The following RORB variants were observed in gnomAD, a reference collection of about 807,000 sequenced individuals.
The protein encoded by RORB is RAR related orphan receptor B.
A neutral mutation model predicts 59.1 loss-of-function variants in RORB; 6 were observed. The ratio of observed to expected loss-of-function variants is 0.10; its 90% confidence interval spans 0.06 to 0.20. The LOEUF is 0.20. RORB is among the 10% of genes least tolerant of loss of function. The probability of loss-of-function intolerance (pLI) is 1.00; values close to 1 mark genes in which losing one functional copy is unlikely to be tolerated. For synonymous variants in RORB, 215 were observed against 204.5 expected, an observed-to-expected ratio of 1.05 and a Z score of -0.44; for missense variants, 320 against 560.5, an observed-to-expected ratio of 0.57 and a Z score of 4.33.
chr9:74,663,563 A>G (rs1196148928), intron 6 of RORB, among the ~76,000 whole-genome samples: 1 of 152,162 alleles, frequency 6.6e-6, no homozygotes, highest in Admixed American at 6.5e-5. Context: ...CATCTAAACC[A>G]CTGCAAAATT....
chr9:74,669,345 G>A (rs1824314313), intron 8 of RORB, among the ~76,000 whole-genome samples: 1 of 152,060 alleles, frequency 6.6e-6, no homozygotes, highest in African/African-American at 2.4e-5. Flanking sequence ...TGGATATGGT[G>A]GCAGATGCCT....
At chr9:74,504,813 G>A (rs914064433) in intron 1 of RORB, among the ~76,000 whole-genome samples, 1 of 151,918 alleles carries the variant, frequency 6.6e-6, no homozygotes, top group African/African-American at 2.4e-5. Flanking sequence ...AAAGAAAACT[G>A]TTACATAGTT....
chr9:74,646,667 G>GGGTT (rs1554672644), intron 4 of RORB, among the ~76,000 whole-genome samples: 2 of 152,052 alleles, frequency 1.3e-5, no homozygotes, highest in East Asian at 1.9e-4. Context: ...CTAGGACAGA[G>GGGTT]AGTTAAGTGA....
At chr9:74,663,844 C>T (rs1235427882) in intron 6 of RORB, among the ~76,000 whole-genome samples, 1 of 152,006 alleles carries the variant, frequency 6.6e-6, no homozygotes, top group African/African-American at 2.4e-5. Context: ...GCTAGCACCC[C>T]AAGAGAACAC....
rs2118533095 is a variant in RORB, at chr9:74,667,898, C to T, written c.1108C>T (p.Pro370Ser). The change falls in exon 8 of 10, where the codon CCA (proline) becomes TCA (serine). Residue 370 changes from proline to serine, a missense_variant. Physicochemically the swap from Pro to Ser is moderately conservative, Grantham distance 74. Coordinates refer to ENST00000376896, the MANE Select transcript of RORB (RefSeq NM_006914.4). ...GTTCTCATCTGCTGTTCTGATATCTCCAGGTAGGGCAGTCTCAGTTCTCTT... is the reference window on the plus strand; with the variant it reads ...GTTCTCATCTGCTGTTCTGATATCTTCAGGTAGGGCAGTCTCAGTTCTCTT... Reference protein sequence around the residue: ...ALFSSAVLISPDRAWLIEPRK... With the variant: ...ALFSSAVLISSDRAWLIEPRK... The T allele has an allele frequency of 1.3e-6, 2 of 1,580,584 alleles. No individual in the cohort carries two copies. Among genetic ancestry groups the T allele is most frequent in the Non-Finnish European group, 1.7e-6 (2 of 1,149,382 alleles).
At position 74,693,042 on chromosome 9, in the gene RORB, A is replaced by C. The variant is rs181203822; in HGVS notation, c.*7424A>C. 3 of 152,266 alleles carry C rather than the reference A, an allele frequency of 2.0e-5. No homozygotes were observed. Among genetic ancestry groups the C allele is most frequent in the Admixed American group, 1.3e-4 (2 of 15,300 alleles). 9.4% of individuals were successfully genotyped at this position (152,266 alleles called of 1,614,324 possible). ...TTTTGTCCTTATTTTATGTCCTGTA[A>C]ATTATTAGTTCAATACTGTTAGCAT... On this transcript the variant is annotated 3_prime_UTR_variant, in exon 10 of 10. Transcript: ENST00000376896.
chr9:74,588,363 C>T (rs989574890), intron 1 of RORB, among the ~76,000 whole-genome samples: 2 of 152,152 alleles, frequency 1.3e-5, no homozygotes, highest in Non-Finnish European at 2.9e-5. Flanking sequence ...GTTCAGTAAA[C>T]ATATGGATAT....
chr9:74,498,592 G>C (rs1825755949), intron 1 of RORB: 2 of 152,442 alleles, frequency 1.3e-5, no homozygotes, highest in Non-Finnish European at 2.9e-5. Context: ...TGCGGCGCGC[G>C]CCTTCGTGCC....
chr9:74,574,782 C>T (rs1822606704), intron 1 of RORB, among the ~76,000 whole-genome samples: 1 of 152,030 alleles, frequency 6.6e-6, no homozygotes, highest in South Asian at 2.1e-4. Context: ...ATGATTTTCA[C>T]AAGCAAGAAG....
At chr9:74,671,662 G>C in intron 8 of RORB, 127 bp from the exon 9 acceptor site, 1 of 518,546 alleles carries the variant, frequency 1.9e-6, no homozygotes, top group East Asian at 3.2e-5. Context: ...TGTAAATAAT[G>C]ACATGTCTTC....
chr9:74,651,132 G>C (rs1389192401), intron 4 of RORB, among the ~76,000 whole-genome samples: 1 of 152,122 alleles, frequency 6.6e-6, no homozygotes, highest in African/African-American at 2.4e-5. Context: ...GGATTTTGCT[G>C]TTTTGGTTTG....
At chr9:74,558,067 A>C (rs532277316) in intron 1 of RORB, among the ~76,000 whole-genome samples, 2 of 152,158 alleles carry the variant, frequency 1.3e-5, no homozygotes, top group Non-Finnish European at 2.9e-5. Flanking sequence ...AGATATTTAC[A>C]TATGCTTCAT....
intron 4 of RORB, among the ~76,000 whole-genome samples, chr9:74,644,818 A>C (rs1171786852): frequency 6.6e-6 from 1 of 152,198 alleles, no homozygotes; most frequent in Non-Finnish European, 1.5e-5. Flanking sequence ...GAATTAATAA[A>C]TCATAACTTG....
chr9:74,508,799 C>T (rs1363586725), intron 1 of RORB, among the ~76,000 whole-genome samples: 3 of 151,872 alleles, frequency 2.0e-5, no homozygotes, highest in East Asian at 1.9e-4. Context: ...TGAGAAAAAT[C>T]GATGACTTGG....
intron 1 of RORB, among the ~76,000 whole-genome samples, chr9:74,568,773 G>A (rs1255780307): frequency 6.6e-6 from 1 of 150,824 alleles, no homozygotes; most frequent in African/African-American, 2.4e-5. Context: ...GTTTGAACTA[G>A]CATTATCACC....
chr9:74,569,288 A>T (rs1276914127), intron 1 of RORB, among the ~76,000 whole-genome samples: 1 of 152,022 alleles, frequency 6.6e-6, no homozygotes, highest in Non-Finnish European at 1.5e-5. Flanking sequence ...GTTTTTATGA[A>T]TACATGAGAT....
chr9:74,667,750 A>G, intron 7 of RORB, 41 bp from the exon 8 acceptor site: 1 of 1,248,856 alleles, frequency 8.0e-7, no homozygotes, highest in South Asian at 1.2e-5. Context: ...CCCCATTTCA[A>G]GTTCAAGTAT....
At chr9:74,547,475 T>C (rs2118151012) in intron 1 of RORB, among the ~76,000 whole-genome samples, 1 of 152,340 alleles carries the variant, frequency 6.6e-6, no homozygotes, top group Admixed American at 6.5e-5. Context: ...TGGAGGTTTA[T>C]CACAGCCAAT....
chr9:74,504,701 G>A (rs1825845648), intron 1 of RORB, among the ~76,000 whole-genome samples: 1 of 151,898 alleles, frequency 6.6e-6, no homozygotes, highest in Non-Finnish European at 1.5e-5. Flanking sequence ...TAATCTGGTT[G>A]TTTACTAAAT....
Sources: allele counts gnomAD v4.1 joint callset (sites outside exome capture counted in the v4.1 genomes callset), GRCh38; gene constraint gnomAD v4.1.1; transcripts MANE v1.5; gene names NCBI Gene and HGNC (gene_info 2026-07-23, HGNC 2026-07-21).